Variants in METTL16 observed in about 807,000 individuals in gnomAD.
METTL16 encodes the protein methyltransferase 16, RNA N6-adenosine, also known as RNA N(6)-adenosine-methyltransferase METTL16.
A neutral mutation model predicts 57.9 loss-of-function variants in METTL16; 19 were observed. The ratio of observed to expected loss-of-function variants is 0.33; its 90% confidence interval spans 0.23 to 0.48. METTL16 has a LOEUF of 0.48. METTL16 is among the 20% of genes least tolerant of loss of function. The probability of loss-of-function intolerance (pLI) is 0.99; values close to 1 mark genes in which losing one functional copy is unlikely to be tolerated. For synonymous variants in METTL16, 246 were observed against 255.6 expected, an observed-to-expected ratio of 0.96 and a Z score of 0.36; for missense variants, 434 against 691.5, an observed-to-expected ratio of 0.63 and a Z score of 4.18.
intron 6 of METTL16, among the ~76,000 whole-genome samples, chr17:2,443,489 C>CA (rs2066968849): frequency 7.3e-6 from 1 of 136,956 alleles, no homozygotes; most frequent in Admixed American, 7.3e-5. Context: ...CATATCATTT[C>CA]TTTTTTTTTT....
chr17:2,429,766 C>A (rs189125726), intron 8 of METTL16, among the ~76,000 whole-genome samples: 539 of 148,960 alleles, frequency 3.6e-3, no homozygotes, highest in Non-Finnish European at 5.7e-3. Context: ...CCTCCCCAAT[C>A]AAAAAAAAAG....
rs1329374891 is a variant in METTL16 at position 2,417,957 on chromosome 17, G to A, written c.*2013C>T. 2.0e-5 allele frequency: 3 copies of A among 152,192 alleles called. No homozygotes were observed. The highest frequency in any genetic ancestry group is 3.8e-4 in the East Asian group (2 of 5,200). The allele number at this position is 152,192 out of a possible 1,614,324, so 9.4% of individuals were successfully genotyped here. ...TTTGGGCCCAGCAAATGACTCAAAT[G>A]TAATATTCACTCGAGGTAAGGACAG... On this transcript the variant is annotated 3_prime_UTR_variant, in exon 10 of 10. Transcript: ENST00000263092.
intron 8 of METTL16, among the ~76,000 whole-genome samples, chr17:2,422,337 GAA>G (rs56736695): frequency 1.5e-5 from 2 of 136,066 alleles, no homozygotes; most frequent in Non-Finnish European, 3.3e-5. Flanking sequence ...CTCCGTTTTA[GAA>G]AAAAAAAAAA....
chr17:2,497,050 G>A (rs1007764563), intron 2 of METTL16, among the ~76,000 whole-genome samples: 3 of 151,604 alleles, frequency 2.0e-5, no homozygotes, highest in African/African-American at 7.3e-5. Context: ...CTGTTGCCCA[G>A]GTTGCACTGC....
At chr17:2,472,710 T>G (rs1239161450) in intron 4 of METTL16, among the ~76,000 whole-genome samples, 8 of 151,446 alleles carry the variant, frequency 5.3e-5, no homozygotes, top group Non-Finnish European at 1.2e-4. Flanking sequence ...ATTAGGAAAT[T>G]TAAATAAATG....
intron 5 of METTL16, among the ~76,000 whole-genome samples, chr17:2,464,677 T>C (rs893982378): frequency 6.6e-6 from 1 of 152,174 alleles, no homozygotes; most frequent in African/African-American, 2.4e-5. Context: ...AACAAATATT[T>C]ACTTGTTTTT....
intron 1 of METTL16, among the ~76,000 whole-genome samples, chr17:2,509,379 A>C (rs2067570666): frequency 6.6e-6 from 1 of 152,064 alleles, no homozygotes; most frequent in African/African-American, 2.4e-5. Flanking sequence ...CCCTTTACTG[A>C]CCATCAGGAA....
At chr17:2,441,649 TAACA>T (rs917295824) in intron 6 of METTL16, 90 bp from the exon 7 acceptor site, 4 of 711,184 alleles carry the variant, frequency 5.6e-6, no homozygotes, top group Admixed American at 3.9e-5. Flanking sequence ...ATGAGAACAG[TAACA>T]AACAAACATT....
At chr17:2,462,855 C>A (rs915896343) in intron 6 of METTL16, among the ~76,000 whole-genome samples, 1 of 152,126 alleles carries the variant, frequency 6.6e-6, no homozygotes, top group East Asian at 1.9e-4. Context: ...TTTTATGTTA[C>A]GTGTATTTAC....
intron 6 of METTL16, among the ~76,000 whole-genome samples, chr17:2,446,968 A>G (rs1449510764): frequency 1.3e-5 from 2 of 150,746 alleles, no homozygotes; most frequent in East Asian, 1.9e-4. Flanking sequence ...TGGCCCCCCA[A>G]AGTGCCGAGA....
At chr17:2,431,983 C>T (rs753796035) in intron 8 of METTL16, among the ~76,000 whole-genome samples, 3 of 151,512 alleles carry the variant, frequency 2.0e-5, no homozygotes, top group South Asian at 2.1e-4. Flanking sequence ...CTTGCTCTGT[C>T]GCCCAGGCTG....
At chr17:2,448,918 T>C (rs1296574665) in intron 6 of METTL16, among the ~76,000 whole-genome samples, 1 of 149,270 alleles carries the variant, frequency 6.7e-6, no homozygotes, top group Admixed American at 6.7e-5. Context: ...TCCCAGCTAC[T>C]TGGGAGGCTG....
Position 2,419,355 on chromosome 17 carries a change from C to T in METTL16, c.*615G>A. On this transcript the variant is annotated 3_prime_UTR_variant, in exon 10 of 10. Coordinates refer to ENST00000263092, the MANE Select transcript of METTL16 (RefSeq NM_024086.4). ...TACCTAATTCTGCTTCTGAAATAAG[C>T]AACATCAAAACAGCCAGGTGTCAGG... 1 of 255,252 alleles carries T rather than the reference C, an allele frequency of 3.9e-6. No individual in the cohort carries two copies. The highest frequency in any genetic ancestry group is 7.9e-6 in the Non-Finnish European group (1 of 126,484). The allele number at this position is 255,252 out of a possible 1,614,324, so 15.8% of individuals were successfully genotyped here.
At chr17:2,424,796 A>C (rs1221860496) in intron 8 of METTL16, among the ~76,000 whole-genome samples, 1 of 152,122 alleles carries the variant, frequency 6.6e-6, no homozygotes, top group Non-Finnish European at 1.5e-5. Context: ...AAAATACAAA[A>C]AATTAGCCAG....
intron 7 of METTL16, among the ~76,000 whole-genome samples, chr17:2,440,994 A>AAAAAAAAAAAG (rs1555616313): frequency 1.4e-4 from 17 of 118,894 alleles, no homozygotes; most frequent in South Asian, 2.8e-4. Flanking sequence ...AAAAAAAAAA[A>AAAAAAAAAAAG]AAGAAGAAGA....
intron 2 of METTL16, among the ~76,000 whole-genome samples, chr17:2,493,348 C>T (rs1320932929): frequency 1.3e-5 from 2 of 151,462 alleles, no homozygotes; most frequent in Admixed American, 6.6e-5. Flanking sequence ...CTTGGCCTCC[C>T]AAAGTGCTGG....
At position 2,417,057 on chromosome 17, in the gene METTL16, C is replaced by CTTTTT. The variant is rs2066722351; in HGVS notation, c.*2912_*2913insAAAAA. 2.1e-5 allele frequency: 1 copy of CTTTTT among 47,248 alleles called. No individual in the cohort carries two copies. The highest frequency in any genetic ancestry group is 2.5e-4 in the Admixed American group (1 of 3,940). The allele number at this position is 47,248 out of a possible 1,614,324, so 2.9% of individuals were successfully genotyped here. On this transcript the variant is annotated 3_prime_UTR_variant, in exon 10 of 10. Transcript: ENST00000263092. ...CTGAAAGCTGGCCTGCTCATGGGTT[C>CTTTTT]CTTTTTTTTTTTTTTTTTTTTTTTT...
chr17:2,506,686 G>A (rs1410297001), intron 1 of METTL16, among the ~76,000 whole-genome samples: 2 of 152,150 alleles, frequency 1.3e-5, no homozygotes, highest in Non-Finnish European at 2.9e-5. Context: ...TGCCGAGATT[G>A]CAGCCTCTGC....
intron 2 of METTL16, among the ~76,000 whole-genome samples, chr17:2,494,950 T>C (rs1335443798): frequency 3.3e-5 from 5 of 151,714 alleles, no homozygotes; most frequent in Non-Finnish European, 7.4e-5. Context: ...CATCTTATTA[T>C]TTAAGAAACA....
Sources: gnomAD v4.1 joint callset for allele counts (sites outside exome capture counted in the v4.1 genomes callset) on GRCh38, gnomAD v4.1.1 for gene constraint, MANE v1.5 for transcripts, NCBI Gene and HGNC (gene_info 2026-07-23, HGNC 2026-07-21) for gene names.